SERGEF: variants seen among roughly 807,000 people sequenced by gnomAD.
SERGEF encodes the protein secretion regulating guanine nucleotide exchange factor, also known as secretion-regulating guanine nucleotide exchange factor.
Under a neutral mutation model 50.0 loss-of-function variants are expected in SERGEF, and 51 were observed. That is an observed-to-expected ratio of 1.02 (90% confidence interval 0.81 to 1.29). The LOEUF (loss-of-function observed/expected upper bound fraction) is 1.29. Among genes scored for constraint, SERGEF ranks in the 50% most tolerant of loss-of-function variants. The pLI is 0.00. For missense variants in SERGEF, 521 were observed against 557.0 expected, an observed-to-expected ratio of 0.94 and a Z score of 0.65; for synonymous variants, 205 against 212.4, an observed-to-expected ratio of 0.97 and a Z score of 0.30.
At chr11:17,997,137 C>T (rs1853852748) in intron 5 of SERGEF, among the ~76,000 whole-genome samples, 2 of 152,276 alleles carry the variant, frequency 1.3e-5, no homozygotes, top group African/African-American at 4.8e-5. Flanking sequence ...GTGGAGGCTG[C>T]AGTGAGCCAA....
rs924673491 is a variant in SERGEF, at chr11:17,959,772, A to C, written c.845-136T>G. On this transcript the variant is annotated intron_variant, in intron 8 of 10. Coordinates refer to ENST00000265965, the MANE Select transcript of SERGEF (RefSeq NM_012139.4). ...GAGCCTTCCTATCTTCCTGTAAAGA[A>C]GGCACATGCACTCATATTTTTACAG... 3.9e-5 allele frequency: 28 copies of C among 712,576 alleles called. No homozygotes were observed. The African/African-American group carries it at 4.7e-4, about 12-fold the overall frequency. The allele number at this position is 712,576 out of a possible 1,614,324, so 44.1% of individuals were successfully genotyped here.
rs963218985 is a variant in SERGEF, at chr11:17,995,728, T to C, written c.622+68A>G. On this transcript the variant is annotated intron_variant, in intron 6 of 10. Transcript: ENST00000265965. ...AAAATCAAAAATCCATTTAATCCTC[T>C]TCTGCATGTTTATGTCTCTACTTCC... is the stretch of plus-strand genomic sequence containing the variant. 10 of 1,082,316 alleles carry C rather than the reference T, an allele frequency of 9.2e-6. No homozygotes were observed. The Admixed American group carries it at 2.0e-4, about 22-fold the overall frequency. The allele number at this position is 1,082,316 out of a possible 1,614,324, so 67.0% of individuals were successfully genotyped here. A position where few individuals can be genotyped will look rare whatever the true frequency, so the allele number is the denominator to read the frequency against.
intron 8 of SERGEF, among the ~76,000 whole-genome samples, chr11:17,974,264 A>C (rs1288322493): frequency 1.3e-5 from 2 of 152,190 alleles, no homozygotes; most frequent in African/African-American, 2.4e-5. Flanking sequence ...CCTCCAAGTC[A>C]CCAATGTGAC....
At chr11:17,824,590 A>G (rs1850154337) in intron 10 of SERGEF, among the ~76,000 whole-genome samples, 1 of 152,328 alleles carries the variant, frequency 6.6e-6, no homozygotes, top group East Asian at 1.9e-4. Context: ...TAATTTTCTC[A>G]CAGTTCTAGA....
chr11:17,794,269 T>C (rs1306017035), intron 10 of SERGEF, among the ~76,000 whole-genome samples: 1 of 152,216 alleles, frequency 6.6e-6, no homozygotes, highest in Non-Finnish European at 1.5e-5. Flanking sequence ...TGCTCCTTCT[T>C]CTTTGTCCCT....
intron 8 of SERGEF, among the ~76,000 whole-genome samples, chr11:17,982,471 A>G (rs2133990922): frequency 6.6e-6 from 1 of 152,300 alleles, no homozygotes; most frequent in South Asian, 2.1e-4. Flanking sequence ...ACTTTCACTC[A>G]TGGGGTTTTC....
intron 10 of SERGEF, among the ~76,000 whole-genome samples, chr11:17,863,020 T>TA (rs1269685743): frequency 6.6e-6 from 1 of 152,196 alleles, no homozygotes; most frequent in African/African-American, 2.4e-5. Flanking sequence ...CTAATTAACC[T>TA]AAGTCAAACC....
intron 8 of SERGEF, among the ~76,000 whole-genome samples, chr11:17,970,561 G>A (rs1296785495): frequency 2.0e-5 from 3 of 152,170 alleles, no homozygotes; most frequent in Non-Finnish European, 4.4e-5. Context: ...ATTAATCTTA[G>A]GGAGGAAGGT....
intron 9 of SERGEF, among the ~76,000 whole-genome samples, chr11:17,942,522 T>A (rs188557317): frequency 6.6e-6 from 1 of 152,324 alleles, no homozygotes; most frequent in East Asian, 1.9e-4. Flanking sequence ...ATTTGTTAGA[T>A]TTTATAATTC....
intron 10 of SERGEF, among the ~76,000 whole-genome samples, chr11:17,810,341 C>T (rs189769326): frequency 5.1e-4 from 77 of 152,346 alleles, no homozygotes; most frequent in East Asian, 5.8e-4. Context: ...CTCCCCATCC[C>T]GCAATCAGGA....
chr11:18,007,847 C>T (rs1166533953), intron 2 of SERGEF, 94 bp downstream of exon 2: 2 of 1,279,740 alleles, frequency 1.6e-6, no homozygotes, highest in Non-Finnish European at 2.1e-6. Context: ...TTTTCCTCTG[C>T]AAAATACAAA....
At chr11:17,811,156 T>C (rs1649898900) in intron 10 of SERGEF, among the ~76,000 whole-genome samples, 2 of 152,200 alleles carry the variant, frequency 1.3e-5, no homozygotes, top group Non-Finnish European at 2.9e-5. Context: ...ACCCAATTCC[T>C]AAATGTTTCA....
At position 18,012,938 on chromosome 11, in the gene SERGEF, C is replaced by T. The variant is rs1469628269; in HGVS notation, c.60+13G>A. The T allele has an allele frequency of 1.3e-6, 2 of 1,516,852 alleles. No homozygotes were observed. Among genetic ancestry groups the T allele is most frequent in the Admixed American group, 2.0e-5 (1 of 49,062 alleles). The allele number at this position is 1,516,852 out of a possible 1,614,324, so 94.0% of individuals were successfully genotyped here. On this transcript the variant is annotated intron_variant, in intron 1 of 10. Coordinates refer to ENST00000265965, the MANE Select transcript of SERGEF (RefSeq NM_012139.4). The stretch of plus-strand genomic sequence containing the variant: ...CTCAGGGCCTGCACCGGCCCGGGGG[C>T]GGAGTCACGTACCCAGGCGAAGAGC...
intron 9 of SERGEF, among the ~76,000 whole-genome samples, chr11:17,948,617 G>GC (rs1270054893): frequency 6.6e-6 from 1 of 152,188 alleles, no homozygotes; most frequent in Non-Finnish European, 1.5e-5. Context: ...GCTGCTTACA[G>GC]TGACATAAAC....
At chr11:17,820,575 AT>A (rs1850062478) in intron 10 of SERGEF, among the ~76,000 whole-genome samples, 1 of 152,162 alleles carries the variant, frequency 6.6e-6, no homozygotes. Flanking sequence ...AAAAATGAGG[AT>A]GATAAAACCT....
intron 9 of SERGEF, among the ~76,000 whole-genome samples, chr11:17,911,033 C>T (rs997082607): frequency 1.4e-4 from 21 of 152,220 alleles, no homozygotes; most frequent in East Asian, 3.9e-4. Context: ...ATTCAACAAA[C>T]GCTTATTAAA....
chr11:17,895,716 G>T (rs111331608), intron 9 of SERGEF, among the ~76,000 whole-genome samples: 3 of 152,136 alleles, frequency 2.0e-5, no homozygotes, highest in Admixed American at 6.5e-5. Flanking sequence ...TTATTGCAAA[G>T]AATATAATAA....
intron 9 of SERGEF, among the ~76,000 whole-genome samples, chr11:17,956,214 G>T (rs1326674101): frequency 1.3e-5 from 2 of 152,190 alleles, no homozygotes; most frequent in African/African-American, 4.8e-5. Flanking sequence ...CAGAAGAAAA[G>T]AATTGAAACA....
rs1412604731 is a variant in SERGEF at position 17,871,354 on chromosome 11, G to A, written c.1048+6854C>T. Among the ~76,000 whole-genome samples, 4 of 151,742 alleles carry A rather than the reference G, an allele frequency of 2.6e-5. No homozygotes were observed. In the East Asian group the frequency reaches 5.8e-4, roughly 22 times the overall value. On this transcript the variant is annotated intron_variant, in intron 10 of 10. Transcript: ENST00000265965. ...CAGGCGCCTGTAGTCCCAGCTACTC[G>A]GGAGGCTGAGGCAGGAGAATAGCGT...
Sources: gnomAD v4.1 joint callset for allele counts (sites outside exome capture counted in the v4.1 genomes callset) on GRCh38, gnomAD v4.1.1 for gene constraint, MANE v1.5 for transcripts, NCBI Gene and HGNC (gene_info 2026-07-23, HGNC 2026-07-21) for gene names.